KCNQ3: variants seen among roughly 807,000 people sequenced by gnomAD.
KCNQ3 encodes the protein potassium voltage-gated channel subfamily Q member 3, also known as potassium voltage-gated channel subfamily KQT member 3.
In KCNQ3, 30 loss-of-function variants were observed where a neutral mutation model predicts 92.5. That is an observed-to-expected ratio of 0.32 (90% CI 0.24 to 0.44). KCNQ3 has a LOEUF of 0.44. KCNQ3 is among the 20% of genes least tolerant of loss of function. The pLI is 1.00. For missense variants in KCNQ3, 913 were observed against 1,140.3 expected, an observed-to-expected ratio of 0.80 and a Z score of 2.87; for synonymous variants, 450 against 468.8, an observed-to-expected ratio of 0.96 and a Z score of 0.52.
chr8:132,286,824 C>T (rs1816691834), intron 1 of KCNQ3, among the ~76,000 whole-genome samples: 1 of 152,168 alleles, frequency 6.6e-6, no homozygotes, highest in South Asian at 2.1e-4. Flanking sequence ...TTTCATAAGA[C>T]TGGATTAGTT....
chr8:132,154,208 T>TTTTTTTTG (rs1554624536), intron 9 of KCNQ3, among the ~76,000 whole-genome samples: 13 of 142,240 alleles, frequency 9.1e-5, no homozygotes, highest in Non-Finnish European at 1.2e-4. Context: ...TTTTTTTTTT[T>TTTTTTTTG]TTTTTTTTTT....
chr8:132,134,773 G>T (rs971734311), intron 12 of KCNQ3, among the ~76,000 whole-genome samples: 1 of 151,402 alleles, frequency 6.6e-6, no homozygotes, highest in Admixed American at 6.6e-5. Flanking sequence ...CATAGGAAAT[G>T]TCATAGGTGG....
intron 1 of KCNQ3, among the ~76,000 whole-genome samples, chr8:132,374,145 C>T (rs764752012): frequency 1.8e-4 from 27 of 152,290 alleles, no homozygotes; most frequent in Middle Eastern, 3.4e-3. Flanking sequence ...AGGAGTCAGA[C>T]AGACCTGGAT....
chr8:132,299,021 G>A (rs1817134016), intron 1 of KCNQ3, among the ~76,000 whole-genome samples: 1 of 151,920 alleles, frequency 6.6e-6, no homozygotes, highest in African/African-American at 2.4e-5. Flanking sequence ...ACAGGGTCTA[G>A]AGTAGTCTGT....
At chr8:132,285,011 AG>A (rs1415368204) in intron 1 of KCNQ3, among the ~76,000 whole-genome samples, 2 of 152,334 alleles carry the variant, frequency 1.3e-5, no homozygotes, top group East Asian at 3.9e-4. Context: ...CCCAACCTCT[AG>A]AACTATGAGT....
intron 1 of KCNQ3, among the ~76,000 whole-genome samples, chr8:132,201,666 C>T (rs1827462873): frequency 6.6e-6 from 1 of 152,220 alleles, no homozygotes; most frequent in Non-Finnish European, 1.5e-5. Context: ...CTCCTGGACA[C>T]ACTGGAGTAG....
rs145918865 is a variant in KCNQ3, at chr8:132,249,143, G to A, written c.387-62962C>T. On this transcript the variant is annotated intron_variant, in intron 1 of 14. Coordinates refer to ENST00000388996, the MANE Select transcript of KCNQ3 (RefSeq NM_004519.4). ...CTCATAAAGGCAGTGTGGACCCAAAGAGTGAGCAGCAACAAGATTTATTGC... is the reference window on the plus strand; with the variant it reads ...CTCATAAAGGCAGTGTGGACCCAAAAAGTGAGCAGCAACAAGATTTATTGC... Among the ~76,000 whole-genome samples the A allele has an allele frequency of 6.3e-4, 96 of 152,310 alleles. No individual in the cohort carries two copies. The East Asian group carries it at 0.016, about 25-fold the overall frequency.
chr8:132,332,669 T>C (rs1423623834), intron 1 of KCNQ3, among the ~76,000 whole-genome samples: 3 of 152,244 alleles, frequency 2.0e-5, no homozygotes, highest in Non-Finnish European at 4.4e-5. Flanking sequence ...CCCAATTATG[T>C]TCCCATAATG....
chr8:132,234,384 C>T (rs1190676221), intron 1 of KCNQ3, among the ~76,000 whole-genome samples: 1 of 120,602 alleles, frequency 8.3e-6, no homozygotes, highest in Non-Finnish European at 1.6e-5. Flanking sequence ...AAAGGCCAAG[C>T]AGTTCTTCCA....
intron 1 of KCNQ3, among the ~76,000 whole-genome samples, chr8:132,455,835 G>C (rs549882516): frequency 1.3e-5 from 2 of 151,968 alleles, no homozygotes; most frequent in Admixed American, 6.6e-5. Context: ...TCCGCCTCCC[G>C]AGTTCACGCC....
intron 1 of KCNQ3, among the ~76,000 whole-genome samples, chr8:132,420,815 C>T (rs1820945775): frequency 6.6e-6 from 1 of 152,146 alleles, no homozygotes; most frequent in South Asian, 2.1e-4. Flanking sequence ...CTAACTGGGG[C>T]TCTAGATGCT....
At chr8:132,380,060 C>T (rs1480519329) in intron 1 of KCNQ3, among the ~76,000 whole-genome samples, 2 of 152,064 alleles carry the variant, frequency 1.3e-5, no homozygotes, top group African/African-American at 2.4e-5. Context: ...GTAAAAATGG[C>T]TTTTATTGAA....
At chr8:132,344,864 G>C (rs16904664) in intron 1 of KCNQ3, among the ~76,000 whole-genome samples, 14,732 of 152,152 alleles carry the variant, frequency 0.097, 784 homozygotes, top group South Asian at 0.18. Context: ...GGCAACTTAC[G>C]AGCAGCAGTT....
chr8:132,133,016 A>G (rs992574157), intron 13 of KCNQ3, among the ~76,000 whole-genome samples: 2 of 152,196 alleles, frequency 1.3e-5, no homozygotes, highest in Non-Finnish European at 2.9e-5. Flanking sequence ...TAAATTTTAA[A>G]AAGATGTCAG....
intron 1 of KCNQ3, among the ~76,000 whole-genome samples, chr8:132,475,659 G>A (rs1019802978): frequency 6.6e-6 from 1 of 152,230 alleles, no homozygotes; most frequent in Admixed American, 6.5e-5. Context: ...ATTCAGTTAT[G>A]TGCGTTCACA....
At chr8:132,478,842 C>A (rs1822472399) in intron 1 of KCNQ3, among the ~76,000 whole-genome samples, 1 of 152,114 alleles carries the variant, frequency 6.6e-6, no homozygotes, top group African/African-American at 2.4e-5. Flanking sequence ...CCTAGAAAAA[C>A]GTCTCTAACC....
intron 1 of KCNQ3, among the ~76,000 whole-genome samples, chr8:132,441,582 A>AAAC (rs149275767): frequency 4.0e-4 from 61 of 150,844 alleles, no homozygotes; most frequent in Non-Finnish European, 7.5e-4. Context: ...AAAACAAAAC[A>AAAC]AAACAAACAA....
chr8:132,451,360 G>A (rs1445311139), intron 1 of KCNQ3, among the ~76,000 whole-genome samples: 1 of 152,206 alleles, frequency 6.6e-6, no homozygotes, highest in East Asian at 1.9e-4. Context: ...AGCAATGTGA[G>A]AACAAACTAA....
intron 3 of KCNQ3, among the ~76,000 whole-genome samples, chr8:132,182,825 C>A (rs1281834373): frequency 2.0e-5 from 3 of 151,464 alleles, no homozygotes; most frequent in Admixed American, 6.6e-5. Context: ...TGAAAGAGGG[C>A]AAACGAAGAG....
Sources: gnomAD v4.1 joint callset for allele counts (sites outside exome capture counted in the v4.1 genomes callset) on GRCh38, gnomAD v4.1.1 for gene constraint, MANE v1.5 for transcripts, NCBI Gene and HGNC (gene_info 2026-07-23, HGNC 2026-07-21) for gene names.